The following GLIS1 variants were observed in gnomAD, a reference collection of about 807,000 sequenced individuals.
The protein encoded by GLIS1 is GLIS family zinc finger 1, also known as zinc finger protein GLIS1.
In GLIS1, 24 loss-of-function variants were observed where a neutral mutation model predicts 63.8. The observed-to-expected ratio is 0.38, with a 90% CI of 0.27 to 0.53. The LOEUF (loss-of-function observed/expected upper bound fraction) is 0.53. Among genes scored for constraint, GLIS1 ranks in the 20% least tolerant of loss-of-function variants. The pLI, the probability that GLIS1 is intolerant of heterozygous loss-of-function variation, is 0.85. For synonymous variants in GLIS1, 450 were observed against 482.5 expected (o/e 0.93, Z 0.88); for missense variants, 1,036 against 1,074.1 (o/e 0.96, Z 0.50).
intron 2 of GLIS1, 53 bp downstream of exon 2, chr1:53,737,753 G>A: frequency 8.1e-7 from 1 of 1,229,272 alleles, no homozygotes; most frequent in Non-Finnish European, 1.0e-6. Context: ...GCGACGCCGG[G>A]CAGCCCGAAT....
At chr1:53,537,782 G>A (rs1447630604) in intron 4 of GLIS1, among the ~76,000 whole-genome samples, 4 of 152,216 alleles carry the variant, frequency 2.6e-5, no homozygotes, top group African/African-American at 4.8e-5. Context: ...CACGGGGGCA[G>A]GGGAGGAAAT....
intron 2 of GLIS1, among the ~76,000 whole-genome samples, chr1:53,617,130 C>T (rs1369549709): frequency 1.3e-5 from 2 of 152,128 alleles, no homozygotes; most frequent in African/African-American, 4.8e-5. Flanking sequence ...CCTCAGACAT[C>T]ACTGTGGCAG....
At chr1:53,734,709 G>A (rs545102898) in intron 2 of GLIS1, among the ~76,000 whole-genome samples, 5 of 152,224 alleles carry the variant, frequency 3.3e-5, no homozygotes, top group African/African-American at 9.7e-5. Flanking sequence ...GTGGGAACAC[G>A]CTCTGAACAC....
intron 8 of GLIS1, among the ~76,000 whole-genome samples, chr1:53,510,391 C>T (rs899874763): frequency 2.6e-5 from 4 of 152,192 alleles, no homozygotes; most frequent in African/African-American, 4.8e-5. Context: ...GGCTCACCAC[C>T]GGGCACGCTG....
At chr1:53,519,071 G>A (rs61617156) in intron 7 of GLIS1, among the ~76,000 whole-genome samples, 2,681 of 152,326 alleles carry the variant, frequency 0.018, 52 homozygotes, top group African/African-American at 0.052. Context: ...AGGCCTTCTC[G>A]ACACAGAGCT....
Position 53,622,427 on chromosome 1 carries a change from CAAA to C in GLIS1, c.260-22152_260-22150del, listed in dbSNP as rs60923620. ...TGGACAACAGAGCTAGACTATGTCT[CAAA>C]AAAAAAAAAAAAAAAAAAAAGAAGA... On this transcript the variant is annotated intron_variant, in intron 2 of 10. Transcript: ENST00000628545. 1.1e-4 allele frequency among the ~76,000 whole-genome samples: 14 copies of C among 132,346 alleles called. 1 individual carries two copies. The South Asian group carries it at 1.8e-3, about 17-fold the overall frequency. The allele number at this position is 132,346 out of a possible 152,430, so 86.8% of individuals were successfully genotyped here. A position where few individuals can be genotyped will look rare whatever the true frequency, so the allele number is the denominator to read the frequency against.
chr1:53,592,281 CAG>C (rs779555232), intron 4 of GLIS1, among the ~76,000 whole-genome samples: 15 of 152,198 alleles, frequency 9.9e-5, no homozygotes, highest in Non-Finnish European at 1.3e-4. Context: ...ATTTCCAACA[CAG>C]ATACTCTTCT....
chr1:53,731,167 T>A (rs1646856285), intron 2 of GLIS1, among the ~76,000 whole-genome samples: 1 of 151,910 alleles, frequency 6.6e-6, no homozygotes, highest in South Asian at 2.1e-4. Flanking sequence ...AGGACGGGAG[T>A]TGCCACTGCT....
intron 6 of GLIS1, among the ~76,000 whole-genome samples, chr1:53,521,468 A>G (rs1473684609): frequency 1.3e-5 from 2 of 152,070 alleles, no homozygotes; most frequent in African/African-American, 2.4e-5. Flanking sequence ...GTAATGCTGG[A>G]CAAATAACAT....
At position 53,536,002 on chromosome 1, in the gene GLIS1, C is replaced by T. The variant is rs201335351; in HGVS notation, c.1321-6050G>A. The stretch of plus-strand genomic sequence containing the variant: ...GTGCAAAGCTGGCCTCCACGCTTCC[C>T]GACCCGATGAATCAGGGTGAGCTCA... On this transcript the variant is annotated intron_variant, in intron 4 of 10. Transcript: ENST00000628545. Among the ~76,000 whole-genome samples the T allele has an allele frequency of 1.1e-4, 16 of 152,196 alleles. No homozygotes were observed. The East Asian group carries it at 2.5e-3, about 24-fold the overall frequency.
chr1:53,616,920 A>G (rs1645488695), intron 2 of GLIS1, among the ~76,000 whole-genome samples: 1 of 151,844 alleles, frequency 6.6e-6, no homozygotes, highest in Non-Finnish European at 1.5e-5. Context: ...CTTCTGAAAA[A>G]TCCCACCCCC....
intron 4 of GLIS1, among the ~76,000 whole-genome samples, chr1:53,561,305 T>G (rs754711534): frequency 2.0e-5 from 3 of 152,028 alleles, no homozygotes; most frequent in Non-Finnish European, 4.4e-5. Flanking sequence ...TTTACAAGCC[T>G]CCAGCTATAA....
At chr1:53,512,888 A>G (rs912948057) in intron 8 of GLIS1, among the ~76,000 whole-genome samples, 3 of 151,514 alleles carry the variant, frequency 2.0e-5, no homozygotes, top group Admixed American at 6.6e-5. Context: ...TGGCCTGAGC[A>G]GCTATGGGTG....
chr1:53,673,044 C>G (rs1032458380), intron 2 of GLIS1, among the ~76,000 whole-genome samples: 1 of 152,244 alleles, frequency 6.6e-6, no homozygotes. Flanking sequence ...CTGGCAAGCA[C>G]TCCGTGTTCC....
In GLIS1 at chr1:53,594,132, C is replaced by T. The variant is rs35288204; in HGVS notation, c.1296G>A (p.Ser432=). 1.2e-3 allele frequency: 1,909 copies of T among 1,611,734 alleles called. No individual in the cohort carries two copies. Among genetic ancestry groups the T allele is most frequent in the Non-Finnish European group, 1.5e-3 (1,774 of 1,178,272 alleles). The change falls in exon 4 of 11, where the codon TCG becomes TCA. Residue 432 remains serine, a synonymous_variant. Transcript: ENST00000628545. ...YKLLIHMRVH[S]GEKPNKCMFE... ...CCATGCACTTGTTGGGCTTCTCGCC[C>T]GAGTGCACTCGCATGTGGATGAGCA...
At chr1:53,523,807 C>T (rs1317272204) in intron 6 of GLIS1, among the ~76,000 whole-genome samples, 1 of 152,168 alleles carries the variant, frequency 6.6e-6, no homozygotes, top group Non-Finnish European at 1.5e-5. Flanking sequence ...AGGGTTACCT[C>T]TCAAGGTGCC....
intron 2 of GLIS1, among the ~76,000 whole-genome samples, chr1:53,624,404 AC>A (rs1192776740): frequency 6.6e-6 from 1 of 152,216 alleles, no homozygotes; most frequent in Non-Finnish European, 1.5e-5. Context: ...TGCATCATCA[AC>A]CTAAACTTAG....
At chr1:53,514,807 T>C (rs1258796785) in intron 7 of GLIS1, 26 bp from the exon 8 acceptor site, 1 of 1,557,570 alleles carries the variant, frequency 6.4e-7, no homozygotes, top group Admixed American at 1.8e-5. Context: ...CAAGGCTCAC[T>C]GGACTCTGGC....
intron 2 of GLIS1, among the ~76,000 whole-genome samples, chr1:53,630,893 A>G (rs1372480234): frequency 6.6e-6 from 1 of 152,088 alleles, no homozygotes; most frequent in Non-Finnish European, 1.5e-5. Context: ...TCATTTTTTT[A>G]TTTGAGCTTT....
Sources: allele counts gnomAD v4.1 joint callset (sites outside exome capture counted in the v4.1 genomes callset), GRCh38; gene constraint gnomAD v4.1.1; transcripts MANE v1.5; gene names NCBI Gene and HGNC (gene_info 2026-07-23, HGNC 2026-07-21).